The following CDH3 variants were observed in gnomAD, a reference collection of about 807,000 sequenced individuals.
CDH3 encodes cadherin 3.
CDH3 carries 54 observed loss-of-function variants against 82.0 expected under a neutral mutation model. The ratio of observed to expected loss-of-function variants is 0.66; its 90% confidence interval spans 0.53 to 0.83. The LOEUF (loss-of-function observed/expected upper bound fraction) is 0.83, where lower values mean the gene tolerates loss of function less well. Among genes scored for constraint, CDH3 ranks in the 40% least tolerant of loss-of-function variants. The pLI is 0.00. For missense variants in CDH3, 1,054 were observed against 1,084.6 expected, an observed-to-expected ratio of 0.97 and a Z score of 0.40; for synonymous variants, 446 against 437.9, an observed-to-expected ratio of 1.02 and a Z score of -0.23.
rs1961820138 is a variant in CDH3 at position 68,698,580 on chromosome 16, G to C, written c.*180G>C. 4.9e-6 allele frequency: 3 copies of C among 617,594 alleles called. No individual in the cohort carries two copies. The highest frequency in any genetic ancestry group is 1.8e-5 in the African/African-American group (1 of 54,390). 38.3% of individuals were successfully genotyped at this position (617,594 alleles called of 1,614,324 possible). A position where few individuals can be genotyped will look rare whatever the true frequency, so the allele number is the denominator to read the frequency against. Reference sequence around the variant, plus strand: ...GCTTCCTTAGCCTTTCAGGATGGAGGAATGTGGGCAGTTTGACTTCAGCAC... The same window carrying C: ...GCTTCCTTAGCCTTTCAGGATGGAGCAATGTGGGCAGTTTGACTTCAGCAC... On this transcript the variant is annotated 3_prime_UTR_variant, in exon 16 of 16. Coordinates refer to ENST00000264012, the MANE Select transcript of CDH3 (RefSeq NM_001793.6).
Position 68,698,230 on chromosome 16 carries a change from T to G in CDH3, c.2320T>G (p.Tyr774Asp), listed in dbSNP as rs750806169. 1.2e-5 allele frequency: 20 copies of G among 1,614,070 alleles called. No individual in the cohort carries two copies. In the Admixed American group the frequency reaches 3.3e-4, roughly 27 times the overall value. The change falls in exon 16 of 16, where the codon TAC (tyrosine) becomes GAC (aspartate). Residue 774 changes from tyrosine to aspartate, a missense_variant. Transcript: ENST00000264012. ...AANTDPTAPP[Y>D]DTLLVFDYEG... ...TAACACAGACCCCACAGCCCCGCCC[T>G]ACGACACCCTCTTGGTGTTCGACTA... is the stretch of plus-strand genomic sequence containing the variant.
intron 8 of CDH3, among the ~76,000 whole-genome samples, chr16:68,681,500 C>T (rs951961757): frequency 9.9e-5 from 15 of 152,228 alleles, no homozygotes; most frequent in Middle Eastern, 6.3e-3. Flanking sequence ...CCTCCCCCTT[C>T]CATCTTTAGA....
intron 2 of CDH3, among the ~76,000 whole-genome samples, chr16:68,654,734 ATT>A (rs1960367707): frequency 7.2e-6 from 1 of 138,852 alleles, no homozygotes; most frequent in African/African-American, 2.7e-5. Flanking sequence ...ATATATATAT[ATT>A]TATTTTTAAA....
chr16:68,695,843 G>A lies in CDH3; in HGVS notation c.2200G>A (p.Val734Met), dbSNP rs775541873. 1.2e-5 allele frequency: 19 copies of A among 1,613,932 alleles called. 1 individual carries two copies. The Middle Eastern group carries it at 6.6e-4, about 56-fold the overall frequency. The change falls in exon 15 of 16, where the codon GTG (valine) becomes ATG (methionine). Residue 734 changes from valine to methionine, a missense_variant. Physicochemically the swap from Val to Met is conservative, Grantham distance 21. Transcript: ENST00000264012. The stretch of plus-strand genomic sequence containing the variant: ...GCCGGAGGTGGTTCTCCGCAATGAC[G>A]TGGCACCAACCATCATCCCGACACC... ...ARPEVVLRND[V>M]APTIIPTPMY...
rs1952048 is a variant in CDH3 at position 68,678,096 on chromosome 16, A to G, written c.247-38A>G. 0.47 allele frequency: 748,108 copies of G among 1,590,844 alleles called. 178,261 individuals are homozygous for G. The highest frequency in any genetic ancestry group is 0.63 in the East Asian group (28,223 of 44,736). On this transcript the variant is annotated intron_variant, in intron 3 of 15. Coordinates refer to ENST00000264012, the MANE Select transcript of CDH3 (RefSeq NM_001793.6). ...AGAGGATGTTGAGCATGTCCCAGCT[A>G]TTTGCACATCTGGGTTAAGGAGTTT...
downstream of CDH3, among the ~76,000 whole-genome samples, chr16:68,731,821 G>A (rs1378504904): frequency 6.6e-6 from 1 of 151,976 alleles, no homozygotes; most frequent in Admixed American, 6.6e-5. Flanking sequence ...CGGGGTGACA[G>A]AGTTAGATCC....
downstream of CDH3, among the ~76,000 whole-genome samples, chr16:68,704,922 G>C (rs1467965858): frequency 1.3e-5 from 2 of 152,154 alleles, no homozygotes; most frequent in Non-Finnish European, 2.9e-5. Context: ...ATTCATCTGA[G>C]TGTGGTGACA....
intron 13 of CDH3, among the ~76,000 whole-genome samples, chr16:68,694,532 G>A (rs1467774683): frequency 6.6e-6 from 1 of 151,372 alleles, no homozygotes; most frequent in Non-Finnish European, 1.5e-5. Flanking sequence ...TGAGGCAGGA[G>A]AATGGCTTGA....
chr16:68,660,961 C>T lies in CDH3; in HGVS notation c.160+15211C>T, dbSNP rs1354784791. Among the ~76,000 whole-genome samples the T allele has an allele frequency of 8.7e-5, 11 of 127,042 alleles. No homozygotes were observed. The South Asian group carries it at 1.3e-3, about 15-fold the overall frequency. The allele number at this position is 127,042 out of a possible 152,430, so 83.3% of individuals were successfully genotyped here. On this transcript the variant is annotated intron_variant, in intron 2 of 15. Coordinates refer to ENST00000264012, the MANE Select transcript of CDH3 (RefSeq NM_001793.6). ...CAGCCTGGGCAACAGAGCAAGACTCCGTCTCAAAAAAAAAAAAAAAAGAAG... is the reference window on the plus strand; with the variant it reads ...CAGCCTGGGCAACAGAGCAAGACTCTGTCTCAAAAAAAAAAAAAAAAGAAG...
chr16:68,728,851 T>C (rs115022667), downstream of CDH3, among the ~76,000 whole-genome samples: 1 of 152,178 alleles, frequency 6.6e-6, no homozygotes, highest in South Asian at 2.1e-4. Flanking sequence ...TCTTGCTTCC[T>C]GATACAATGC....
intron 1 of CDH3, among the ~76,000 whole-genome samples, chr16:68,717,030 G>A (rs1039102777): frequency 2.0e-5 from 3 of 151,956 alleles, no homozygotes; most frequent in Admixed American, 6.6e-5. Flanking sequence ...AACAGGCCTG[G>A]CCAATAAAAT....
intron 1 of CDH3, among the ~76,000 whole-genome samples, chr16:68,718,162 C>G (rs984779347): frequency 1.3e-5 from 2 of 151,944 alleles, no homozygotes; most frequent in African/African-American, 2.4e-5. Context: ...GCACGTGCCA[C>G]TCTGGCTAGT....
At chr16:68,656,554 T>C (rs975407885) in intron 2 of CDH3, among the ~76,000 whole-genome samples, 1 of 152,172 alleles carries the variant, frequency 6.6e-6, no homozygotes, top group Non-Finnish European at 1.5e-5. Context: ...GTGGGTGGAA[T>C]TGGCCCCATT....
chr16:68,707,871 C>T lies in CDH3; in HGVS notation c.99+11948C>T, dbSNP rs1357060118. On this transcript the variant is annotated intron_variant, in intron 1 of 2. Transcript: ENST00000569080. This position sits in a 1 kb window ranked among gnomAD's most constrained non-coding sequence, Gnocchi z 4.5. ...GGGGAGGAATCTGAGAGGGGCGGGG[C>T]GGGTCAGGAATGCCTGGGCTCCGTT... Among the ~76,000 whole-genome samples, 1 of 151,288 alleles carries T rather than the reference C, an allele frequency of 6.6e-6. No homozygotes were observed. Among genetic ancestry groups the T allele is most frequent in the Non-Finnish European group, 1.5e-5 (1 of 67,776 alleles).
chr16:68,674,534 A>G (rs1191640757), intron 2 of CDH3, among the ~76,000 whole-genome samples: 1 of 152,098 alleles, frequency 6.6e-6, no homozygotes, highest in Non-Finnish European at 1.5e-5. Context: ...GGAGTTCGAG[A>G]CCAGCTGGGG....
Position 68,695,344 on chromosome 16 carries a change from G to A in CDH3, c.2092G>A (p.Val698Ile), listed in dbSNP as rs1961689358. The A allele has an allele frequency of 5.0e-6, 8 of 1,613,982 alleles. No individual in the cohort carries two copies. Among genetic ancestry groups the A allele is most frequent in the Middle Eastern group, 1.6e-4 (1 of 6,062 alleles). ...LLPEDDTRDN[V>I]FYYGEEGGGE... ...CCCAGAAGATGACACCCGTGACAAC[G>A]TCTTCTACTATGGCGAAGAGGGGGG... Residue 698 changes from valine to isoleucine, a missense_variant, in exon 14 of 16, where the codon GTC becomes ATC. Physicochemically the swap from Val to Ile is conservative, Grantham distance 29. Coordinates refer to ENST00000264012, the MANE Select transcript of CDH3 (RefSeq NM_001793.6).
intron 2 of CDH3, among the ~76,000 whole-genome samples, chr16:68,660,568 C>A (rs768092508): frequency 1.3e-5 from 2 of 152,186 alleles, no homozygotes; most frequent in Non-Finnish European, 2.9e-5. Flanking sequence ...TATTTTCCCC[C>A]CAAGAGGAGC....
At chr16:68,723,183 C>A (rs1962183156) in intron 2 of CDH3, among the ~76,000 whole-genome samples, 1 of 151,950 alleles carries the variant, frequency 6.6e-6, no homozygotes, top group South Asian at 2.1e-4. Flanking sequence ...TTCTCCTTCT[C>A]CAGAGAAGTA....
At position 68,645,405 on chromosome 16, in the gene CDH3, C is replaced by T; in HGVS notation, c.26C>T (p.Ala9Val). The T allele has an allele frequency of 6.2e-7, 1 of 1,613,526 alleles. No individual in the cohort carries two copies. The highest frequency in any genetic ancestry group is 8.5e-7 in the Non-Finnish European group (1 of 1,179,802). The change falls in exon 1 of 16, where the codon GCG (alanine) becomes GTG (valine). Residue 9 changes from alanine to valine, a missense_variant. Transcript: ENST00000264012. ...ATGGGGCTCCCTCGTGGACCTCTCG[C>T]GTCTCTCCTCCTTCTCCAGGTACTC... MGLPRGPLASLLLLQVCWL... is the reference protein window; with the variant it reads MGLPRGPLVSLLLLQVCWL...
Sources: allele counts gnomAD v4.1 joint callset (sites outside exome capture counted in the v4.1 genomes callset), GRCh38; gene constraint gnomAD v4.1.1; non-coding constraint Gnocchi (gnomAD v3.1); transcripts MANE v1.5; gene names NCBI Gene and HGNC (gene_info 2026-07-23, HGNC 2026-07-21).